Variants in UBE2E2 observed in about 807,000 individuals in gnomAD.
UBE2E2 encodes the protein ubiquitin conjugating enzyme E2 E2.
UBE2E2 carries 6 observed loss-of-function variants against 24.7 expected under a neutral mutation model. That is an observed-to-expected ratio of 0.24 (90% CI 0.13 to 0.48). The LOEUF is 0.48. Ranked by LOEUF, UBE2E2 falls within the 20% of genes least tolerant of loss-of-function variation. The pLI, the probability that UBE2E2 is intolerant of heterozygous loss-of-function variation, is 0.99. For synonymous variants in UBE2E2, 104 were observed against 83.6 expected (o/e 1.24, Z -1.33); for missense variants, 169 against 245.0 (o/e 0.69, Z 2.07).
At chr3:23,306,201 G>T (rs1266710012) in intron 3 of UBE2E2, among the ~76,000 whole-genome samples, 1 of 152,166 alleles carries the variant, frequency 6.6e-6, no homozygotes, top group African/African-American at 2.4e-5. Flanking sequence ...CAACTGCTTT[G>T]TCTGCCCAAA....
At chr3:23,378,451 A>G (rs764346214) in intron 3 of UBE2E2, among the ~76,000 whole-genome samples, 21 of 152,162 alleles carry the variant, frequency 1.4e-4, no homozygotes, top group Non-Finnish European at 2.9e-4. Context: ...TTGTTCTTCC[A>G]GACTGTAATA....
intron 3 of UBE2E2, among the ~76,000 whole-genome samples, chr3:23,386,930 G>T (rs1302363365): frequency 6.6e-6 from 1 of 152,130 alleles, no homozygotes; most frequent in Non-Finnish European, 1.5e-5. Context: ...GTTAATAGTG[G>T]TCCCTGCTGC....
chr3:23,516,388 A>G (rs1694741981), intron 4 of UBE2E2, among the ~76,000 whole-genome samples: 1 of 152,212 alleles, frequency 6.6e-6, no homozygotes, highest in Non-Finnish European at 1.5e-5. Context: ...TGGTTGAAAG[A>G]GATAATGTTT....
At position 23,514,124 on chromosome 3, in the gene UBE2E2, T is replaced by C. The variant is rs115427340; in HGVS notation, c.360+14384T>C. The stretch of plus-strand genomic sequence containing the variant: ...CTCCTAGGCCTCCTTTTTGACCTTA[T>C]GATTTGCCAGTACATTTGACTGGAA... On this transcript the variant is annotated intron_variant, in intron 4 of 5. Coordinates refer to ENST00000396703, the MANE Select transcript of UBE2E2 (RefSeq NM_152653.4). Among the ~76,000 whole-genome samples the C allele has an allele frequency of 8.0e-3, 1,217 of 152,334 alleles. 14 individuals carry two copies. The highest frequency in any genetic ancestry group is 0.013 in the Admixed American group (193 of 15,302).
intron 3 of UBE2E2, among the ~76,000 whole-genome samples, chr3:23,335,725 G>A (rs535542554): frequency 1.3e-5 from 2 of 151,906 alleles, no homozygotes; most frequent in African/African-American, 4.8e-5. Flanking sequence ...GTAGAGATGG[G>A]GTCTCACTGT....
chr3:23,423,380 C>A (rs1043281844), intron 3 of UBE2E2, among the ~76,000 whole-genome samples: 3 of 152,120 alleles, frequency 2.0e-5, no homozygotes, highest in African/African-American at 7.2e-5. Flanking sequence ...TATCTTGATA[C>A]TAAAGATAAG....
intron 3 of UBE2E2, among the ~76,000 whole-genome samples, chr3:23,316,903 G>A (rs1438358633): frequency 2.6e-5 from 4 of 152,090 alleles, no homozygotes; most frequent in Non-Finnish European, 5.9e-5. Flanking sequence ...GTCATCCAGG[G>A]AATTAGGGCC....
At chr3:23,434,243 C>T (rs934937068) in intron 3 of UBE2E2, among the ~76,000 whole-genome samples, 4 of 152,072 alleles carry the variant, frequency 2.6e-5, no homozygotes, top group Non-Finnish European at 5.9e-5. Flanking sequence ...TGCTTAAATA[C>T]TTATTGAATG....
At chr3:23,427,448 T>C (rs1057171535) in intron 3 of UBE2E2, among the ~76,000 whole-genome samples, 5 of 151,934 alleles carry the variant, frequency 3.3e-5, no homozygotes, top group African/African-American at 1.2e-4. Context: ...AATGGAATTA[T>C]ATAAAATGCT....
At chr3:23,582,226 T>TTGCTGCAAA (rs1488798879) in intron 5 of UBE2E2, among the ~76,000 whole-genome samples, 1 of 152,224 alleles carries the variant, frequency 6.6e-6, no homozygotes, top group Non-Finnish European at 1.5e-5. Flanking sequence ...GCAAAGGACA[T>TTGCTGCAAA]GATCTCATTC....
intron 5 of UBE2E2, among the ~76,000 whole-genome samples, chr3:23,544,488 A>C (rs564266467): frequency 6.6e-6 from 1 of 152,378 alleles, no homozygotes; most frequent in Non-Finnish European, 1.5e-5. Flanking sequence ...TGCAAATTCA[A>C]GCTACAATGA....
intron 3 of UBE2E2, among the ~76,000 whole-genome samples, chr3:23,438,098 G>A (rs1046952084): frequency 6.6e-6 from 1 of 152,198 alleles, no homozygotes; most frequent in Non-Finnish European, 1.5e-5. Flanking sequence ...AGCTCAGATT[G>A]TAGGATCACA....
chr3:23,457,608 T>G (rs1698707985), intron 3 of UBE2E2, among the ~76,000 whole-genome samples: 1 of 152,134 alleles, frequency 6.6e-6, no homozygotes, highest in Admixed American at 6.5e-5. Context: ...CACTGCAGCC[T>G]CAACCTCCCA....
chr3:23,409,182 A>G (rs1697440670), intron 3 of UBE2E2, among the ~76,000 whole-genome samples: 1 of 152,196 alleles, frequency 6.6e-6, no homozygotes, highest in African/African-American at 2.4e-5. Context: ...GGATGAATGT[A>G]GATAGACAAC....
intron 5 of UBE2E2, among the ~76,000 whole-genome samples, chr3:23,571,382 C>G (rs1696226024): frequency 6.8e-6 from 1 of 147,454 alleles, no homozygotes; most frequent in Non-Finnish European, 1.5e-5. Context: ...CTCCGTTTCC[C>G]AGGCTCAAGT....
At chr3:23,373,265 C>T (rs769617728) in intron 3 of UBE2E2, among the ~76,000 whole-genome samples, 1 of 152,106 alleles carries the variant, frequency 6.6e-6, no homozygotes, top group Non-Finnish European at 1.5e-5. Context: ...AAAGGAAGGA[C>T]GGCTGGCTCA....
At chr3:23,354,232 T>C (rs1011326158) in intron 3 of UBE2E2, among the ~76,000 whole-genome samples, 1 of 151,908 alleles carries the variant, frequency 6.6e-6, no homozygotes, top group Non-Finnish European at 1.5e-5. Flanking sequence ...ATACAAAAAT[T>C]AATTCAAGAT....
chr3:23,569,451 C>T (rs1007128651), intron 5 of UBE2E2, among the ~76,000 whole-genome samples: 2 of 152,168 alleles, frequency 1.3e-5, no homozygotes, highest in Non-Finnish European at 2.9e-5. Context: ...TTAAAGTGTG[C>T]ACTTTAAATG....
intron 3 of UBE2E2, among the ~76,000 whole-genome samples, chr3:23,292,933 C>T (rs907728886): frequency 1.3e-5 from 2 of 152,086 alleles, no homozygotes; most frequent in South Asian, 2.1e-4. Context: ...ATTAGCCGTA[C>T]GTGGTGACAC....
Sources: allele counts gnomAD v4.1 joint callset (sites outside exome capture counted in the v4.1 genomes callset), GRCh38; gene constraint gnomAD v4.1.1; transcripts MANE v1.5; gene names NCBI Gene and HGNC (gene_info 2026-07-23, HGNC 2026-07-21).